Variants in MGAM2 observed in about 807,000 individuals in gnomAD.
MGAM2 encodes maltase-glucoamylase 2 (putative).
Under a neutral mutation model 96.1 loss-of-function variants are expected in MGAM2, and 98 were observed. That is an observed-to-expected ratio of 1.02 (90% CI 0.87 to 1.21). MGAM2 has a LOEUF of 1.21. Ranked by LOEUF, MGAM2 falls within the 50% of genes most tolerant of loss-of-function variation. The probability of loss-of-function intolerance (pLI) is 0.00; values close to 1 mark genes in which losing one functional copy is unlikely to be tolerated. For synonymous variants in MGAM2, 749 were observed against 414.8 expected (o/e 1.81, Z -9.79); for missense variants, 2,055 against 1,182.4 (o/e 1.74, Z -10.82).
intron 46 of MGAM2, among the ~76,000 whole-genome samples, chr7:142,218,128 G>A (rs1429881697): frequency 6.6e-6 from 1 of 151,860 alleles, no homozygotes; most frequent in African/African-American, 2.4e-5. Context: ...TTGAGGTCAT[G>A]GATATCCTAA....
rs1473294476 is a variant in MGAM2, at chr7:142,220,019, C to T, written c.5508C>T (p.Ala1836=). ...SSHPSPSTTN[A]TSSETITSSA... ...ATCCTTCTCCATCTACTACCAATGC[C>T]ACCAGTTCTGAGACAATCACCAGTT... is the stretch of plus-strand genomic sequence containing the variant. The change falls in exon 48 of 48, where the codon GCC becomes GCT. Residue 1836 remains alanine (A), a synonymous_variant. Transcript: ENST00000477922. 1.4e-6 allele frequency: 1 copy of T among 702,926 alleles called. No individual in the cohort carries two copies. Among genetic ancestry groups the T allele is most frequent in the Admixed American group, 2.0e-5 (1 of 50,016 alleles). 43.5% of individuals were successfully genotyped at this position (702,926 alleles called of 1,614,324 possible). A position where few individuals can be genotyped will look rare whatever the true frequency, so the allele number is the denominator to read the frequency against.
chr7:142,124,718 T>C (rs1370303330), intron 3 of MGAM2, among the ~76,000 whole-genome samples: 3 of 152,180 alleles, frequency 2.0e-5, no homozygotes, highest in Non-Finnish European at 4.4e-5. Flanking sequence ...CTAAACATGG[T>C]ATATATCTTT....
intron 32 of MGAM2, among the ~76,000 whole-genome samples, chr7:142,179,752 G>C (rs1244394812): frequency 1.3e-5 from 2 of 152,070 alleles, no homozygotes; most frequent in Non-Finnish European, 2.9e-5. Context: ...TGTGCTCCTG[G>C]GTTTGGTTTG....
intron 47 of MGAM2, 75 bp from the exon 48 acceptor site, chr7:142,219,795 T>G (rs1231496119): frequency 4.9e-6 from 3 of 611,550 alleles, no homozygotes; most frequent in Non-Finnish European, 8.7e-6. Flanking sequence ...TGTTAAATTG[T>G]AATTTAAGAG....
intron 32 of MGAM2, among the ~76,000 whole-genome samples, chr7:142,179,524 A>G (rs186842949): frequency 1.1e-4 from 16 of 152,250 alleles, no homozygotes; most frequent in African/African-American, 2.9e-4. Context: ...ATTTTGAGGT[A>G]CTTCCCTTTG....
intron 2 of MGAM2, among the ~76,000 whole-genome samples, chr7:142,117,703 G>A (rs1441522044): frequency 1.3e-5 from 2 of 152,000 alleles, no homozygotes; most frequent in African/African-American, 4.8e-5. Context: ...CACTTTCTAG[G>A]AACTATTACA....
chr7:142,161,131 G>A lies in MGAM2; in HGVS notation c.2352G>A (p.Arg784=). 1 of 702,540 alleles carries A rather than the reference G, an allele frequency of 1.4e-6. No homozygotes were observed. The highest frequency in any genetic ancestry group is 2.6e-6 in the Non-Finnish European group (1 of 384,690). The allele number at this position is 702,540 out of a possible 1,614,324, so 43.5% of individuals were successfully genotyped here. Residue 784 remains arginine, a synonymous_variant, in exon 22 of 48, where the codon AGG becomes AGA. Transcript: ENST00000477922. ...KPNTTTEASR[R]NSLGLIIALD... is the part of the protein sequence containing the mutation. ...GGGAAGTACTCTTTTACAGCCGGAG[G>A]AATTCCCTGGGACTCATCATCGCCT...
At chr7:142,115,946 AGT>A (rs1817381929) in intron 1 of MGAM2, among the ~76,000 whole-genome samples, 1 of 152,238 alleles carries the variant, frequency 6.6e-6, no homozygotes, top group South Asian at 2.1e-4. Flanking sequence ...AAAGTGTAAC[AGT>A]TCTGGGGATG....
chr7:142,141,054 C>T lies in MGAM2; in HGVS notation c.1252C>T (p.Pro418Ser), dbSNP rs1428583203. ...PGISKNSNYE[P>S]YNNGSLKRVW... is the part of the protein sequence containing the mutation. ...CATCTCCAAAAACTCTAACTACGAGCCCTATAATAATGGAAGCCTAAAGAG... is the reference window on the plus strand; with the variant it reads ...CATCTCCAAAAACTCTAACTACGAGTCCTATAATAATGGAAGCCTAAAGAG... The change falls in exon 12 of 48, where the codon CCC (proline) becomes TCC (serine). Residue 418 changes from proline (P) to serine (S), a missense_variant. Transcript: ENST00000477922. The T allele has an allele frequency of 1.4e-6, 1 of 701,756 alleles. No individual in the cohort carries two copies. The highest frequency in any genetic ancestry group is 2.6e-6 in the Non-Finnish European group (1 of 384,492). 43.5% of individuals were successfully genotyped at this position (701,756 alleles called of 1,614,324 possible).
intron 15 of MGAM2, among the ~76,000 whole-genome samples, chr7:142,153,637 G>C (rs1795648558): frequency 6.6e-6 from 1 of 152,166 alleles, no homozygotes; most frequent in Non-Finnish European, 1.5e-5. Flanking sequence ...ATGCATGGCA[G>C]AAATTCATGG....
chr7:142,134,015 C>A lies in MGAM2; in HGVS notation c.610C>A (p.Gln204Lys). ...DTSIGPLQFA[Q>K]QYLQLSFRLP... ...GAGCATCGGGCCCCTCCAGTTTGCC[C>A]AGCAGTACCTGCAACTGTCTTTCCG... The change falls in exon 7 of 48, where the codon CAG becomes AAG. Residue 204 changes from glutamine (Q) to lysine (K), a missense_variant. Gln to Lys is a moderately conservative substitution (Grantham distance 53). Coordinates refer to ENST00000477922, the MANE Select transcript of MGAM2 (RefSeq NM_001293626.2). The A allele has an allele frequency of 1.4e-6, 1 of 729,872 alleles. No individual in the cohort carries two copies. The highest frequency in any genetic ancestry group is 2.5e-5 in the East Asian group (1 of 39,470). The allele number at this position is 729,872 out of a possible 1,614,324, so 45.2% of individuals were successfully genotyped here.
intron 3 of MGAM2, among the ~76,000 whole-genome samples, chr7:142,126,901 T>C (rs553286589): frequency 1.3e-5 from 2 of 152,310 alleles, no homozygotes; most frequent in South Asian, 4.1e-4. Flanking sequence ...TTGAATATAA[T>C]AAGAAGTCCC....
In MGAM2 at chr7:142,158,311, C is replaced by T; in HGVS notation, c.2142C>T (p.Leu714=). 2 of 702,954 alleles carry T rather than the reference C, an allele frequency of 2.8e-6. No homozygotes were observed. Among genetic ancestry groups the T allele is most frequent in the Non-Finnish European group, 5.2e-6 (2 of 384,980 alleles). The allele number at this position is 702,954 out of a possible 1,614,324, so 43.5% of individuals were successfully genotyped here. A position where few individuals can be genotyped will look rare whatever the true frequency, so the allele number is the denominator to read the frequency against. ...AGTTCTTATGGGGACCTGGACTCCT[C>T]ATCACGCCTGTTTTATATGAAGTAT... ...HEQFLWGPGL[L]ITPVLYEGVD... The change falls in exon 19 of 48, where the codon CTC becomes CTT. Residue 714 remains leucine (L), a synonymous_variant. Coordinates refer to ENST00000477922, the MANE Select transcript of MGAM2 (RefSeq NM_001293626.2).
chr7:142,209,576 T>C (rs1289965560), intron 46 of MGAM2, among the ~76,000 whole-genome samples: 1 of 152,222 alleles, frequency 6.6e-6, no homozygotes, highest in East Asian at 1.9e-4. Context: ...AGAAGTAATA[T>C]AGCACAAATC....
Position 142,191,667 on chromosome 7 carries a change from AT to A in MGAM2, c.4346+2171del, listed in dbSNP as rs148554744. On this transcript the variant is annotated intron_variant, in intron 37 of 47. Transcript: ENST00000477922. The stretch of plus-strand genomic sequence containing the variant: ...TAATTGATGAAGTGTGACTCTTCCA[AT>A]TTTTTTTTCAAGATTGTTTTAGCTA... 3.3e-5 allele frequency among the ~76,000 whole-genome samples: 5 copies of A among 150,062 alleles called. 1 individual carries two copies. The South Asian group carries it at 8.4e-4, about 25-fold the overall frequency.
intron 32 of MGAM2, among the ~76,000 whole-genome samples, chr7:142,177,805 A>G (rs1796421495): frequency 6.6e-6 from 1 of 152,180 alleles, no homozygotes; most frequent in African/African-American, 2.4e-5. Context: ...CATCTCTGCT[A>G]TTGCAGATAG....
chr7:142,192,787 G>A (rs575288053), intron 37 of MGAM2, among the ~76,000 whole-genome samples: 3 of 152,180 alleles, frequency 2.0e-5, no homozygotes, highest in Non-Finnish European at 4.4e-5. Flanking sequence ...ACTTTTCCAT[G>A]GGTGCTCGTT....
chr7:142,208,916 A>G (rs949844156), intron 46 of MGAM2, among the ~76,000 whole-genome samples: 1 of 152,260 alleles, frequency 6.6e-6, no homozygotes, highest in African/African-American at 2.4e-5. Flanking sequence ...ACTAGCTGAT[A>G]AATTTTGAAA....
chr7:142,156,687 T>G (rs1489111925), intron 17 of MGAM2, among the ~76,000 whole-genome samples: 3 of 152,080 alleles, frequency 2.0e-5, no homozygotes, highest in African/African-American at 7.2e-5. Flanking sequence ...AGAGTTTTCA[T>G]GAGCCCTACA....
Sources: gnomAD v4.1 joint callset for allele counts (sites outside exome capture counted in the v4.1 genomes callset) on GRCh38, gnomAD v4.1.1 for gene constraint, MANE v1.5 for transcripts, NCBI Gene and HGNC (gene_info 2026-07-23, HGNC 2026-07-21) for gene names.